DPYD: variants seen among roughly 807,000 people sequenced by gnomAD.
DPYD encodes dihydropyrimidine dehydrogenase [NADP(+)].
A neutral mutation model predicts 116.2 loss-of-function variants in DPYD; 109 were observed. The observed-to-expected ratio is 0.94, with a 90% CI of 0.80 to 1.10. The LOEUF (loss-of-function observed/expected upper bound fraction) is 1.10. Ranked by LOEUF, DPYD falls within the 50% of genes least tolerant of loss-of-function variation. DPYD has a pLI of 0.00. For missense variants in DPYD, 1,302 were observed against 1,254.5 expected (o/e 1.04, Z -0.57); for synonymous variants, 440 against 432.0 (o/e 1.02, Z -0.23).
At chr1:97,275,839 A>G (rs1664898360) in intron 18 of DPYD, among the ~76,000 whole-genome samples, 2 of 152,086 alleles carry the variant, frequency 1.3e-5, no homozygotes, top group Admixed American at 1.3e-4. Flanking sequence ...TGAGGCATAG[A>G]CATGTGCATA....
At chr1:97,190,979 T>C (rs4489611) in intron 20 of DPYD, among the ~76,000 whole-genome samples, 4 of 151,986 alleles carry the variant, frequency 2.6e-5, no homozygotes, top group African/African-American at 9.7e-5. Context: ...TCCTATAGTA[T>C]GCGGACACTG....
intron 8 of DPYD, among the ~76,000 whole-genome samples, chr1:97,671,238 A>G (rs527478870): frequency 2.6e-5 from 4 of 152,244 alleles, no homozygotes; most frequent in South Asian, 4.1e-4. Context: ...TTGATCATCT[A>G]CAACATGTAA....
At chr1:97,161,038 A>G (rs1655857234) in intron 20 of DPYD, among the ~76,000 whole-genome samples, 1 of 152,136 alleles carries the variant, frequency 6.6e-6, no homozygotes, top group Non-Finnish European at 1.5e-5. Flanking sequence ...GCGTTTTAGC[A>G]TACAGTGGTC....
At chr1:97,816,926 T>C (rs905125145) in intron 3 of DPYD, among the ~76,000 whole-genome samples, 4 of 152,224 alleles carry the variant, frequency 2.6e-5, no homozygotes, top group African/African-American at 9.6e-5. Flanking sequence ...ATAGTATTTG[T>C]ATTAATCTAT....
intron 16 of DPYD, among the ~76,000 whole-genome samples, chr1:97,368,790 T>C (rs1469993168): frequency 6.6e-6 from 1 of 152,190 alleles, no homozygotes; most frequent in Non-Finnish European, 1.5e-5. Context: ...ATATTCTTAG[T>C]CAAATGTTTG....
rs1655647689 is a variant in DPYD, at chr1:97,607,124, A to G, written c.851-11958T>C. On this transcript the variant is annotated intron_variant, in intron 8 of 22. Coordinates refer to ENST00000370192, the MANE Select transcript of DPYD (RefSeq NM_000110.4). ...TTCATTCTCTTCTCCTATTACAGTA[A>G]CTTAAATGAGAAAAAATAGCACTTA... 2.0e-5 allele frequency among the ~76,000 whole-genome samples: 3 copies of G among 151,928 alleles called. No individual in the cohort carries two copies. In the South Asian group the frequency reaches 6.2e-4, roughly 31 times the overall value.
rs140077787 is a variant in DPYD at position 97,857,712 on chromosome 1, C to G, written c.150+25552G>C. On this transcript the variant is annotated intron_variant, in intron 2 of 22. Transcript: ENST00000370192. ...AACAGGCAAGTGTAAACAAGTGTTT[C>G]TCTGAGTCCTGTGAGCTGCTTCAAC... Among the ~76,000 whole-genome samples the G allele has an allele frequency of 3.5e-3, 528 of 152,212 alleles. 5 individuals carry two copies. Among genetic ancestry groups the G allele is most frequent in the African/African-American group, 0.012 (510 of 41,542 alleles).
intron 3 of DPYD, among the ~76,000 whole-genome samples, chr1:97,803,792 T>C (rs542076817): frequency 5.3e-5 from 8 of 152,010 alleles, no homozygotes; most frequent in South Asian, 2.1e-4. Context: ...ATTATGCTTA[T>C]ATATTACCAT....
chr1:97,604,257 A>G (rs1306769183), intron 8 of DPYD, among the ~76,000 whole-genome samples: 1 of 152,086 alleles, frequency 6.6e-6, no homozygotes, highest in Non-Finnish European at 1.5e-5. Context: ...AAATAATTAA[A>G]CTTTAAGCCT....
At chr1:97,090,317 AC>A (rs1431823665) in intron 21 of DPYD, among the ~76,000 whole-genome samples, 1 of 152,132 alleles carries the variant, frequency 6.6e-6, no homozygotes, top group African/African-American at 2.4e-5. Flanking sequence ...GTTTAGAGCT[AC>A]CCTTTGGAAT....
intron 18 of DPYD, among the ~76,000 whole-genome samples, chr1:97,296,562 A>G (rs1666542842): frequency 1.3e-5 from 2 of 152,274 alleles, no homozygotes; most frequent in Middle Eastern, 3.4e-3. Flanking sequence ...TTTATTTTGA[A>G]TAATTGTCAA....
At chr1:97,801,601 T>C (rs187956057) in intron 3 of DPYD, among the ~76,000 whole-genome samples, 1 of 151,988 alleles carries the variant, frequency 6.6e-6, no homozygotes, top group East Asian at 1.9e-4. Context: ...TTTTATATGG[T>C]AGCCAAAAAA....
chr1:97,097,437 A>G (rs1650345926), intron 21 of DPYD, among the ~76,000 whole-genome samples: 1 of 152,184 alleles, frequency 6.6e-6, no homozygotes, highest in African/African-American at 2.4e-5. Context: ...TTTTCAGCTG[A>G]TATTTCAAAC....
intron 18 of DPYD, among the ~76,000 whole-genome samples, chr1:97,272,377 A>C (rs1664641534): frequency 6.6e-6 from 1 of 152,076 alleles, no homozygotes; most frequent in Non-Finnish European, 1.5e-5. Flanking sequence ...CCTCTCCTAA[A>C]CATGTTAAGA....
chr1:97,515,625 A>T (rs974684427), intron 13 of DPYD, 101 bp downstream of exon 13: 1 of 1,017,664 alleles, frequency 9.8e-7, no homozygotes, highest in Non-Finnish European at 1.5e-6. Context: ...AAATAGTTTA[A>T]TAAGTAGTAT....
At chr1:97,236,301 T>G (rs985948934) in intron 18 of DPYD, among the ~76,000 whole-genome samples, 4 of 151,974 alleles carry the variant, frequency 2.6e-5, no homozygotes, top group Non-Finnish European at 5.9e-5. Flanking sequence ...CCACCACTAG[T>G]CACCAGCAAT....
chr1:97,494,217 A>C (rs1408228271), intron 13 of DPYD, among the ~76,000 whole-genome samples: 1 of 152,158 alleles, frequency 6.6e-6, no homozygotes, highest in Non-Finnish European at 1.5e-5. Context: ...GTTTGTTTTA[A>C]AGATAAGGTC....
intron 13 of DPYD, among the ~76,000 whole-genome samples, chr1:97,513,370 T>C (rs1295896937): frequency 5.9e-5 from 9 of 151,744 alleles, no homozygotes; most frequent in African/African-American, 1.9e-4. Flanking sequence ...TAGCAGATGT[T>C]CAGTCAGGGC....
chr1:97,216,452 T>C (rs1660402280), intron 19 of DPYD, among the ~76,000 whole-genome samples: 1 of 152,292 alleles, frequency 6.6e-6, no homozygotes, highest in South Asian at 2.1e-4. Flanking sequence ...AGAGCAAACT[T>C]TTAAAATATG....
Sources: allele counts gnomAD v4.1 joint callset (sites outside exome capture counted in the v4.1 genomes callset), GRCh38; gene constraint gnomAD v4.1.1; transcripts MANE v1.5; gene names NCBI Gene and HGNC (gene_info 2026-07-23, HGNC 2026-07-21).